Variants in MMACHC observed in about 807,000 individuals in gnomAD.
MMACHC encodes the protein metabolism of cobalamin associated C.
MMACHC carries 14 observed loss-of-function variants against 17.6 expected under a neutral mutation model. The observed-to-expected ratio is 0.80, with a 90% confidence interval of 0.53 to 1.25. The LOEUF (loss-of-function observed/expected upper bound fraction) is 1.25. Ranked by LOEUF, MMACHC falls within the 50% of genes most tolerant of loss-of-function variation. The pLI, the probability that MMACHC is intolerant of heterozygous loss-of-function variation, is 0.00. For synonymous variants in MMACHC, 151 were observed against 142.1 expected (o/e 1.06, Z -0.45); for missense variants, 392 against 364.5 (o/e 1.08, Z -0.62).
At chr1:45,505,245 G>A (rs979377990) in intron 1 of MMACHC, among the ~76,000 whole-genome samples, 40 of 151,582 alleles carry the variant, frequency 2.6e-4, no homozygotes, top group African/African-American at 9.2e-4. Context: ...TCAAGAGATC[G>A]AGACCATCCT....
At chr1:45,504,774 C>A (rs12029322) in intron 1 of MMACHC, among the ~76,000 whole-genome samples, 28 of 151,920 alleles carry the variant, frequency 1.8e-4, no homozygotes, top group Admixed American at 1.8e-3. Flanking sequence ...AGGTTAAGTA[C>A]GTTTCTAGCC....
In MMACHC at chr1:45,503,228, G is replaced by A. The variant is rs533317035; in HGVS notation, c.81+2815G>A. ...AGCCTGGCTAACATGGTGAAATCCC[G>A]TCTCTACTAAAAATACAAAATTAGG... On this transcript the variant is annotated intron_variant, in intron 1 of 3. Coordinates refer to ENST00000401061, the MANE Select transcript of MMACHC (RefSeq NM_015506.3). 3.4e-4 allele frequency among the ~76,000 whole-genome samples: 52 copies of A among 151,918 alleles called. 1 individual carries two copies. The highest frequency in any genetic ancestry group is 1.4e-3 in the East Asian group (7 of 5,058).
At chr1:45,507,701 T>G (rs1267475586) in intron 2 of MMACHC, 151 bp downstream of exon 2, 48 of 959,814 alleles carry the variant, frequency 5.0e-5, no homozygotes, top group Non-Finnish European at 7.0e-5. Context: ...TGATCTTTCC[T>G]CATTCTGCCT....
At chr1:45,506,187 G>C (rs1473220541) in intron 1 of MMACHC, among the ~76,000 whole-genome samples, 1 of 152,164 alleles carries the variant, frequency 6.6e-6, no homozygotes, top group Non-Finnish European at 1.5e-5. Context: ...TTGGACTGTG[G>C]CATGAACGGC....
rs1643688309 is a variant in MMACHC, at chr1:45,509,119, C to T, written c.753C>T (p.Pro251=). Reference sequence around the variant, plus strand: ...CTAGTTCTCCCTCCCCGGACCTTCCCTTTACCACACCCGCCCCCAAGAAGC... The same window carrying T: ...CTAGTTCTCCCTCCCCGGACCTTCCTTTTACCACACCCGCCCCCAAGAAGC... ...EKPSSPSPDL[P]FTTPAPKKPG... The change falls in exon 4 of 4, where the codon CCC becomes CCT. Residue 251 remains proline (P), a synonymous_variant. Transcript: ENST00000401061. The T allele has an allele frequency of 1.2e-6, 2 of 1,612,708 alleles. No individual in the cohort carries two copies. The highest frequency in any genetic ancestry group is 1.7e-6 in the Non-Finnish European group (2 of 1,179,386).
chr1:45,505,099 CAGTG>C (rs914394752), intron 1 of MMACHC, among the ~76,000 whole-genome samples: 1 of 119,790 alleles, frequency 8.3e-6, no homozygotes, highest in Non-Finnish European at 1.6e-5. Flanking sequence ...CCCTGGGCGA[CAGTG>C]AGACTGTATA....
intron 1 of MMACHC, among the ~76,000 whole-genome samples, chr1:45,501,579 T>G (rs1376609630): frequency 6.6e-6 from 1 of 152,194 alleles, no homozygotes; most frequent in East Asian, 1.9e-4. Flanking sequence ...GAGATAGTGG[T>G]GTGGTGTTAC....
chr1:45,503,892 T>C (rs1643578968), intron 1 of MMACHC, among the ~76,000 whole-genome samples: 1 of 152,202 alleles, frequency 6.6e-6, no homozygotes, highest in African/African-American at 2.4e-5. Context: ...AACTACGTGA[T>C]TTAGCAAGTT....
At position 45,510,295 on chromosome 1, in the gene MMACHC, C is replaced by T. The variant is rs1213817292; in HGVS notation, c.*1080C>T. 6.6e-6 allele frequency: 1 copy of T among 152,062 alleles called. No homozygotes were observed. Among genetic ancestry groups the T allele is most frequent in the African/African-American group, 2.4e-5 (1 of 41,390 alleles). The allele number at this position is 152,062 out of a possible 1,614,324, so 9.4% of individuals were successfully genotyped here. ...GTGGCTGGAATGGTATCACATGATA[C>T]ACAGAAGTATCCTCAGTTCTGAATC... On this transcript the variant is annotated 3_prime_UTR_variant, in exon 4 of 4. Coordinates refer to ENST00000401061, the MANE Select transcript of MMACHC (RefSeq NM_015506.3).
rs1047789278 is a variant in MMACHC, at chr1:45,505,585, C to T, written c.82-1771C>T. Among the ~76,000 whole-genome samples, 59 of 151,942 alleles carry T rather than the reference C, an allele frequency of 3.9e-4. 1 individual carries two copies. The highest frequency in any genetic ancestry group is 1.3e-3 in the African/African-American group (54 of 41,506). ...CTGGGATTGCAGGCATGAGCCACCG[C>T]GCCGAGCCTAAAAACAGTATTTTAA... On this transcript the variant is annotated intron_variant, in intron 1 of 3. Coordinates refer to ENST00000401061, the MANE Select transcript of MMACHC (RefSeq NM_015506.3).
chr1:45,508,571 G>C (rs182911953), intron 3 of MMACHC, among the ~76,000 whole-genome samples: 82 of 152,308 alleles, frequency 5.4e-4, no homozygotes, highest in Admixed American at 2.7e-3. Context: ...AACTGTCTTA[G>C]GATACAGGGG....
chr1:45,511,278 T>C lies in MMACHC; in HGVS notation c.*2063T>C. 2 of 1,425,696 alleles carry C rather than the reference T, an allele frequency of 1.4e-6. No individual in the cohort carries two copies. The allele number at this position is 1,425,696 out of a possible 1,614,324, so 88.3% of individuals were successfully genotyped here. On this transcript the variant is annotated 3_prime_UTR_variant, in exon 4 of 4. Coordinates refer to ENST00000401061, the MANE Select transcript of MMACHC (RefSeq NM_015506.3). The stretch of plus-strand genomic sequence containing the variant: ...ATGGAAAAAAAAAATACAGAAGAGG[T>C]TTTGTTCTCATGGCTGCCCACCGCA...
At position 45,512,816 on chromosome 1, in the gene MMACHC, T is replaced by C. The variant is rs1033227700; in HGVS notation, c.*3601T>C. On this transcript the variant is annotated 3_prime_UTR_variant, in exon 4 of 4. Transcript: ENST00000401061. ...TGTCAGCTGAGCCATGTGTCATCTG[T>C]CCAGGCTAACTGCCCACACATCCTT... 3 of 152,248 alleles carry C rather than the reference T, an allele frequency of 2.0e-5. No homozygotes were observed. The highest frequency in any genetic ancestry group is 7.2e-5 in the African/African-American group (3 of 41,454). The allele number at this position is 152,248 out of a possible 1,614,324, so 9.4% of individuals were successfully genotyped here. A position where few individuals can be genotyped will look rare whatever the true frequency, so the allele number is the denominator to read the frequency against.
chr1:45,504,722 C>CA (rs912336795), intron 1 of MMACHC, among the ~76,000 whole-genome samples: 4 of 151,356 alleles, frequency 2.6e-5, no homozygotes, highest in African/African-American at 7.3e-5. Context: ...AAGACTATCT[C>CA]AAAAAAAAGA....
intron 1 of MMACHC, 46 bp downstream of exon 1, chr1:45,500,459 C>A: frequency 6.3e-7 from 1 of 1,593,508 alleles, no homozygotes; most frequent in African/African-American, 1.3e-5. Flanking sequence ...ATATGATTGG[C>A]TTCGTTGCAA....
intron 2 of MMACHC, 30 bp from the exon 3 acceptor site, chr1:45,508,182 C>T (rs1352893127): frequency 6.2e-7 from 1 of 1,613,338 alleles, no homozygotes. Flanking sequence ...CTCATGCTGA[C>T]AGTACCCTCT....
intron 2 of MMACHC, 129 bp downstream of exon 2, chr1:45,507,679 C>T: frequency 9.3e-7 from 1 of 1,079,626 alleles, no homozygotes; most frequent in Non-Finnish European, 1.4e-6. Flanking sequence ...TAAAGCCAGG[C>T]TTGACATTCT....
At chr1:45,507,063 G>C (rs1379265953) in intron 1 of MMACHC, among the ~76,000 whole-genome samples, 1 of 152,096 alleles carries the variant, frequency 6.6e-6, no homozygotes, top group East Asian at 1.9e-4. Context: ...CTGCTCGGGA[G>C]GCTGAGGCAT....
intron 1 of MMACHC, among the ~76,000 whole-genome samples, chr1:45,501,362 G>A (rs1487640318): frequency 6.6e-6 from 1 of 152,198 alleles, no homozygotes; most frequent in African/African-American, 2.4e-5. Context: ...TTTGCCTGAT[G>A]CTTAAGAGAC....
Sources: allele counts gnomAD v4.1 joint callset (sites outside exome capture counted in the v4.1 genomes callset), GRCh38; gene constraint gnomAD v4.1.1; transcripts MANE v1.5; gene names NCBI Gene and HGNC (gene_info 2026-07-23, HGNC 2026-07-21).